The following SFMBT2 variants were observed in gnomAD, a reference collection of about 807,000 sequenced individuals.
The protein encoded by SFMBT2 is scm-like with four MBT domains protein 2.
A neutral mutation model predicts 110.1 loss-of-function variants in SFMBT2; 38 were observed. That is an observed-to-expected ratio of 0.35 (90% CI 0.27 to 0.45). SFMBT2 has a LOEUF of 0.45. SFMBT2 is among the 20% of genes least tolerant of loss of function. The pLI is 1.00. For synonymous variants in SFMBT2, 425 were observed against 425.4 expected, an observed-to-expected ratio of 1.00 and a Z score of 0.01; for missense variants, 1,011 against 1,094.9, an observed-to-expected ratio of 0.92 and a Z score of 1.08.
chr10:7,324,812 A>G (rs1843325365), intron 4 of SFMBT2, among the ~76,000 whole-genome samples: 1 of 151,916 alleles, frequency 6.6e-6, no homozygotes, highest in Non-Finnish European at 1.5e-5. Flanking sequence ...TGTTCACATG[A>G]CCTCTTTGTG....
intron 4 of SFMBT2, among the ~76,000 whole-genome samples, chr10:7,357,197 GC>G (rs1844547755): frequency 6.6e-6 from 1 of 152,098 alleles, no homozygotes; most frequent in Non-Finnish European, 1.5e-5. Context: ...GGGCGATTCA[GC>G]TCTAGCTCTG....
intron 16 of SFMBT2, among the ~76,000 whole-genome samples, chr10:7,183,673 C>T (rs1335527748): frequency 6.6e-6 from 1 of 152,160 alleles, no homozygotes; most frequent in Non-Finnish European, 1.5e-5. Flanking sequence ...TCTCTGGGGA[C>T]GTTTCCCAGC....
chr10:7,306,979 T>C (rs1336310078), intron 4 of SFMBT2, among the ~76,000 whole-genome samples: 3 of 152,176 alleles, frequency 2.0e-5, no homozygotes, highest in Non-Finnish European at 4.4e-5. Context: ...CTGATAACCA[T>C]GGGGTAGAAA....
intron 4 of SFMBT2, among the ~76,000 whole-genome samples, chr10:7,290,971 T>C (rs1315925001): frequency 6.6e-6 from 1 of 152,214 alleles, no homozygotes; most frequent in African/African-American, 2.4e-5. Flanking sequence ...CACATCCACA[T>C]AGAGTCCAAA....
intron 4 of SFMBT2, among the ~76,000 whole-genome samples, chr10:7,338,652 G>T (rs1843794244): frequency 6.6e-6 from 1 of 152,082 alleles, no homozygotes; most frequent in Non-Finnish European, 1.5e-5. Context: ...TCTCAGGGGT[G>T]GCAGAAGCAG....
intron 20 of SFMBT2, among the ~76,000 whole-genome samples, chr10:7,168,140 A>G (rs1384145242): frequency 6.6e-6 from 1 of 152,074 alleles, no homozygotes; most frequent in Non-Finnish European, 1.5e-5. Flanking sequence ...TAGAAGGCTT[A>G]GCTTAGGGAA....
Position 7,180,129 on chromosome 10 carries a change from T to C in SFMBT2, c.1809-3964A>G, listed in dbSNP as rs1838200974. Among the ~76,000 whole-genome samples, 3 of 151,224 alleles carry C rather than the reference T, an allele frequency of 2.0e-5. No homozygotes were observed. The South Asian group carries it at 6.3e-4, about 32-fold the overall frequency. On this transcript the variant is annotated intron_variant, in intron 16 of 20. Transcript: ENST00000397167. ...GCCCTTTTATTTAGGTTTGCTTTTT[T>C]TTGCTTTTTTTGAGACAGGGTCTCA...
intron 6 of SFMBT2, among the ~76,000 whole-genome samples, chr10:7,281,181 G>A (rs1333088089): frequency 6.6e-6 from 1 of 152,202 alleles, no homozygotes; most frequent in Non-Finnish European, 1.5e-5. Context: ...GGGAGGTTGA[G>A]GCTGCAATGA....
At chr10:7,375,002 TAAAC>T (rs1845161632) in intron 2 of SFMBT2, among the ~76,000 whole-genome samples, 1 of 152,166 alleles carries the variant, frequency 6.6e-6, no homozygotes, top group Non-Finnish European at 1.5e-5. Context: ...CTTAAACCCA[TAAAC>T]ATTTTATCAA....
At chr10:7,267,723 T>C (rs909535350) in intron 7 of SFMBT2, among the ~76,000 whole-genome samples, 2 of 152,236 alleles carry the variant, frequency 1.3e-5, no homozygotes, top group South Asian at 2.1e-4. Context: ...GTAGCTCATT[T>C]AGAATTTCAA....
intron 7 of SFMBT2, among the ~76,000 whole-genome samples, chr10:7,262,236 T>C (rs1343932114): frequency 6.6e-6 from 1 of 150,486 alleles, no homozygotes; most frequent in East Asian, 1.9e-4. Context: ...TTTTTTAATG[T>C]TTTTTGGAGG....
chr10:7,359,470 C>T lies in SFMBT2; in HGVS notation c.436+8179G>A, dbSNP rs139406299. Among the ~76,000 whole-genome samples, 603 of 152,310 alleles carry T rather than the reference C, an allele frequency of 4.0e-3. 2 individuals carry two copies. The highest frequency in any genetic ancestry group is 6.6e-3 in the Non-Finnish European group (450 of 68,026). On this transcript the variant is annotated intron_variant, in intron 4 of 20. Transcript: ENST00000397167. ...CATGGAAACACACAGCACCAACTCC[C>T]CCCTCGAATTCCACTCAGAATCAAA...
intron 4 of SFMBT2, chr10:7,348,482 A>C (rs11595496): frequency 0.015 from 8,034 of 538,486 alleles, 92 homozygotes; most frequent in Middle Eastern, 0.027. Context: ...ACTCTACTTA[A>C]CAGCTCTGTT....
In SFMBT2 at chr10:7,197,640, T is replaced by C. The variant is rs772176748; in HGVS notation, c.1606A>G (p.Arg536Gly). ...TTCAGGTAAGGGCCTGAGAAACACC[T>C]GTGGTTGATGAAGAGCTGAGGACAG... is the stretch of plus-strand genomic sequence containing the variant. ...YCCPQLFINH[R>G]CFSGPYLNKG... Residue 536 changes from arginine (R) to glycine (G), a missense_variant, in exon 15 of 21, where the codon AGG becomes GGG. This residue lies in a region of SFMBT2 where 979 missense variants were observed against 1,016.1 expected (regional missense o/e 0.96). Transcript: ENST00000397167. The C allele has an allele frequency of 1.2e-6, 2 of 1,614,184 alleles. No individual in the cohort carries two copies. The highest frequency in any genetic ancestry group is 4.5e-5 in the East Asian group (2 of 44,876).
At chr10:7,348,287 C>G (rs1378449726) in intron 4 of SFMBT2, 3 of 1,522,338 alleles carry the variant, frequency 2.0e-6, no homozygotes, top group Non-Finnish European at 2.6e-6. Context: ...ACATCCTTTT[C>G]TAAGAAATAT....
chr10:7,305,681 T>C (rs530577987), intron 4 of SFMBT2, among the ~76,000 whole-genome samples: 5 of 152,376 alleles, frequency 3.3e-5, no homozygotes, highest in African/African-American at 1.2e-4. Flanking sequence ...TTATCAATAC[T>C]GCACCATTGA....
At chr10:7,354,218 C>A (rs1844425753) in intron 4 of SFMBT2, among the ~76,000 whole-genome samples, 1 of 152,134 alleles carries the variant, frequency 6.6e-6, no homozygotes, top group South Asian at 2.1e-4. Context: ...TATCCAATTT[C>A]TCTGCAACAA....
intron 1 of SFMBT2, among the ~76,000 whole-genome samples, chr10:7,387,514 A>G (rs916576357): frequency 2.0e-5 from 3 of 152,114 alleles, no homozygotes; most frequent in Non-Finnish European, 2.9e-5. Flanking sequence ...CCCACGAAGG[A>G]CAAGATGCAA....
In SFMBT2 at chr10:7,243,699, TA is replaced by T; in HGVS notation, c.978del (p.Phe326LeufsTer8). On this transcript the variant is annotated frameshift_variant, in exon 9 of 21. Transcript: ENST00000397167. LOFTEE classifies it high-confidence loss of function. The part of the protein sequence containing the change: ...YISPASVTKV[F>X]NNHFFQVTID... The stretch of plus-strand genomic sequence containing the variant: ...ATAGTCACTTGAAAAAAGTGATTGT[TA>T]AAAACCTAAAAGAAAAAAAATGGGG... 1 of 871,404 alleles carries T rather than the reference TA, an allele frequency of 1.1e-6. No individual in the cohort carries two copies. The allele number at this position is 871,404 out of a possible 1,614,324, so 54.0% of individuals were successfully genotyped here.
Sources: allele counts gnomAD v4.1 joint callset (sites outside exome capture counted in the v4.1 genomes callset), GRCh38; gene constraint gnomAD v4.1.1; regional missense constraint gnomAD v4.1.1; transcripts MANE v1.5; gene names NCBI Gene and HGNC (gene_info 2026-07-23, HGNC 2026-07-21).